The following NTRK3 variants were observed in gnomAD, a reference collection of about 807,000 sequenced individuals.
The protein encoded by NTRK3 is NT-3 growth factor receptor.
NTRK3 carries 24 observed loss-of-function variants against 91.7 expected under a neutral mutation model. The ratio of observed to expected loss-of-function variants is 0.26; its 90% confidence interval spans 0.19 to 0.37. NTRK3 has a LOEUF of 0.37. Ranked by LOEUF, NTRK3 falls within the 10% of genes least tolerant of loss-of-function variation. NTRK3 has a pLI of 1.00. For synonymous variants in NTRK3, 483 were observed against 404.0 expected (o/e 1.20, Z -2.34); for missense variants, 880 against 1,068.9 (o/e 0.82, Z 2.46).
At chr15:88,087,385 T>C (rs886667552) in intron 13 of NTRK3, among the ~76,000 whole-genome samples, 7 of 152,158 alleles carry the variant, frequency 4.6e-5, no homozygotes, top group Non-Finnish European at 7.4e-5. Flanking sequence ...AGGTCCCATC[T>C]CCCTTGCATT....
chr15:87,976,178 C>G lies in NTRK3; in HGVS notation c.1586-35425G>C, dbSNP rs933793172. On this transcript the variant is annotated intron_variant, in intron 14 of 18. Coordinates refer to ENST00000394480, the Ensembl canonical transcript of NTRK3. Reference sequence around the variant, plus strand: ...CATGGTCCCCAGGACAGCCTCAACCCTTCAGGCATCCCTGTTCCAACTCTT... The same window carrying G: ...CATGGTCCCCAGGACAGCCTCAACCGTTCAGGCATCCCTGTTCCAACTCTT... 3.9e-5 allele frequency among the ~76,000 whole-genome samples: 6 copies of G among 152,144 alleles called. 1 individual carries two copies. Among genetic ancestry groups the G allele is most frequent in the African/African-American group, 1.4e-4 (6 of 41,444 alleles).
At chr15:88,238,480 G>A (rs1444955112) in intron 3 of NTRK3, among the ~76,000 whole-genome samples, 2 of 152,040 alleles carry the variant, frequency 1.3e-5, no homozygotes, top group African/African-American at 4.8e-5. Context: ...AAACATTACA[G>A]GTAAAGTTAA....
intron 13 of NTRK3, among the ~76,000 whole-genome samples, chr15:88,039,785 G>A (rs542114916): frequency 3.9e-5 from 6 of 152,292 alleles, no homozygotes; most frequent in African/African-American, 1.4e-4. Flanking sequence ...AAGGAGACAG[G>A]GTCATTTATA....
At chr15:88,161,075 G>A (rs1186544546) in intron 5 of NTRK3, among the ~76,000 whole-genome samples, 2 of 152,178 alleles carry the variant, frequency 1.3e-5, no homozygotes, top group African/African-American at 4.8e-5. Context: ...CTCAATGCAT[G>A]GCTGCTGGGG....
intron 17 of NTRK3, among the ~76,000 whole-genome samples, chr15:87,918,520 C>T (rs1477739017): frequency 6.6e-6 from 1 of 152,200 alleles, no homozygotes; most frequent in Non-Finnish European, 1.5e-5. Context: ...GAGATATCTT[C>T]CTAAAATTTA....
At chr15:87,979,492 G>GA (rs1445471437) in intron 14 of NTRK3, 1 of 1,511,334 alleles carries the variant, frequency 6.6e-7, no homozygotes, top group South Asian at 1.2e-5. Context: ...AAAAAAAACA[G>GA]AAAAAAGCAA....
At chr15:88,066,091 C>G (rs2046626341) in intron 13 of NTRK3, among the ~76,000 whole-genome samples, 1 of 152,150 alleles carries the variant, frequency 6.6e-6, no homozygotes, top group Non-Finnish European at 1.5e-5. Context: ...TTTTTTCTCC[C>G]CTATGGAGAG....
At chr15:88,033,576 G>T (rs1023540067) in intron 13 of NTRK3, among the ~76,000 whole-genome samples, 1 of 151,974 alleles carries the variant, frequency 6.6e-6, no homozygotes, top group Non-Finnish European at 1.5e-5. Flanking sequence ...CTCCCAAAGT[G>T]CTAGGATTAC....
intron 14 of NTRK3, among the ~76,000 whole-genome samples, chr15:87,997,701 A>G (rs1596594744): frequency 2.0e-5 from 3 of 152,152 alleles, no homozygotes; most frequent in African/African-American, 7.2e-5. Flanking sequence ...CTAGGGAAAA[A>G]ATATGAAATT....
intron 13 of NTRK3, among the ~76,000 whole-genome samples, chr15:88,108,139 T>C (rs1567423287): frequency 6.6e-6 from 1 of 152,170 alleles, no homozygotes; most frequent in Non-Finnish European, 1.5e-5. Context: ...AGATATGCCA[T>C]TCTCTTAAGA....
At chr15:88,122,678 C>T (rs985802253) in intron 13 of NTRK3, among the ~76,000 whole-genome samples, 7 of 152,022 alleles carry the variant, frequency 4.6e-5, no homozygotes, top group African/African-American at 1.5e-4. Context: ...AAGTAAAGCT[C>T]CTATTAGTAG....
At chr15:88,123,007 T>C (rs966484099) in intron 13 of NTRK3, among the ~76,000 whole-genome samples, 1 of 152,196 alleles carries the variant, frequency 6.6e-6, no homozygotes, top group Non-Finnish European at 1.5e-5. Flanking sequence ...GAAATGACAA[T>C]GTACTGGGAT....
chr15:88,168,926 T>C (rs866531369), intron 5 of NTRK3, among the ~76,000 whole-genome samples: 1 of 152,344 alleles, frequency 6.6e-6, no homozygotes, highest in Middle Eastern at 3.4e-3. Context: ...TATGGATCTG[T>C]GCACATGACA....
At chr15:88,159,943 T>TACACATACACAC (rs1491565928) in intron 5 of NTRK3, among the ~76,000 whole-genome samples, 1 of 111,968 alleles carries the variant, frequency 8.9e-6, no homozygotes, top group African/African-American at 3.4e-5. Context: ...CCCAGCCTCC[T>TACACATACACAC]ACACACACAC....
intron 3 of NTRK3, among the ~76,000 whole-genome samples, chr15:88,189,757 G>C (rs1418469328): frequency 5.3e-5 from 8 of 152,068 alleles, no homozygotes; most frequent in African/African-American, 1.9e-4. Context: ...TGGTACTTTT[G>C]TACCCCAGTT....
chr15:88,132,881 C>G (rs2041501756), intron 10 of NTRK3, among the ~76,000 whole-genome samples: 1 of 152,222 alleles, frequency 6.6e-6, no homozygotes, highest in South Asian at 2.1e-4. Flanking sequence ...GGAGATGGGT[C>G]TGAGGAAATG....
rs572145393 is a variant in NTRK3, at chr15:87,911,332, T to C, written c.2133+17859A>G. Among the ~76,000 whole-genome samples the C allele has an allele frequency of 4.6e-5, 7 of 152,348 alleles. No individual in the cohort carries two copies. The South Asian group carries it at 1.5e-3, about 32-fold the overall frequency. On this transcript the variant is annotated intron_variant, in intron 17 of 18. Coordinates refer to ENST00000394480, the Ensembl canonical transcript of NTRK3. ...CTTAAATTGCTCTACCACTTTGCAC[T>C]TATCTAAGCAATCTCTGTTGTAGAG...
intron 13 of NTRK3, among the ~76,000 whole-genome samples, chr15:88,096,616 T>C (rs1325468399): frequency 6.6e-6 from 1 of 152,176 alleles, no homozygotes; most frequent in African/African-American, 2.4e-5. Flanking sequence ...CTTAAGCAGG[T>C]ACAACCCAGA....
At chr15:88,036,436 A>G (rs2079077842) in intron 13 of NTRK3, among the ~76,000 whole-genome samples, 1 of 150,716 alleles carries the variant, frequency 6.6e-6, no homozygotes, top group Non-Finnish European at 1.5e-5. Flanking sequence ...AAAAAAAAAA[A>G]TCAATCCACT....
Sources: gnomAD v4.1 joint callset for allele counts (sites outside exome capture counted in the v4.1 genomes callset) on GRCh38, gnomAD v4.1.1 for gene constraint, MANE v1.5 for transcripts, NCBI Gene and HGNC (gene_info 2026-07-23, HGNC 2026-07-21) for gene names.